Variants in GPR139 observed in about 807,000 individuals in gnomAD.
GPR139 encodes G protein-coupled receptor 139.
In GPR139, 12 loss-of-function variants were observed where a neutral mutation model predicts 25.8. That is an observed-to-expected ratio of 0.47 (90% CI 0.30 to 0.75). The LOEUF (loss-of-function observed/expected upper bound fraction) is 0.75, where lower values mean the gene tolerates loss of function less well. GPR139 is among the 30% of genes least tolerant of loss of function. GPR139 has a pLI of 0.07. For missense variants in GPR139, 380 were observed against 450.2 expected, an observed-to-expected ratio of 0.84 and a Z score of 1.41; for synonymous variants, 184 against 179.9, an observed-to-expected ratio of 1.02 and a Z score of -0.18.
chr16:20,038,659 A>G (rs2057319826), intron 1 of GPR139, among the ~76,000 whole-genome samples: 1 of 152,098 alleles, frequency 6.6e-6, no homozygotes, highest in Non-Finnish European at 1.5e-5. Flanking sequence ...CATCAGGAAC[A>G]TGTAGGAGAT....
chr16:20,033,981 G>GTT (rs138930425), intron 1 of GPR139, among the ~76,000 whole-genome samples: 29,164 of 148,566 alleles, frequency 0.2, 3,198 homozygotes, highest in East Asian at 0.33. Context: ...TTTCTGATCA[G>GTT]TTTTTTTTTT....
intron 1 of GPR139, among the ~76,000 whole-genome samples, chr16:20,045,675 C>T (rs2057351951): frequency 6.6e-6 from 1 of 152,196 alleles, no homozygotes; most frequent in Non-Finnish European, 1.5e-5. Context: ...ATGCTCGCCA[C>T]TCCCAGCCCC....
rs1317290974 is a variant in GPR139, at chr16:20,029,027, A to G, written c.*2708T>C. Reference sequence around the variant, plus strand: ...ATAATTATTACTATAAATAATAATAAAAGTCCTTAGATAGTTTGAAATAAA... The same window carrying G: ...ATAATTATTACTATAAATAATAATAGAAGTCCTTAGATAGTTTGAAATAAA... On this transcript the variant is annotated 3_prime_UTR_variant, in exon 2 of 2. Coordinates refer to ENST00000570682, the MANE Select transcript of GPR139 (RefSeq NM_001002911.4). Among the ~76,000 whole-genome samples the G allele has an allele frequency of 6.6e-6, 1 of 152,232 alleles. No homozygotes were observed. The highest frequency in any genetic ancestry group is 1.5e-5 in the Non-Finnish European group (1 of 68,050).
At chr16:20,064,444 A>G (rs1187703293) in intron 1 of GPR139, among the ~76,000 whole-genome samples, 1 of 152,188 alleles carries the variant, frequency 6.6e-6, no homozygotes, top group Non-Finnish European at 1.5e-5. Flanking sequence ...CTGAGGCAGG[A>G]GGATCACTTG....
intron 1 of GPR139, among the ~76,000 whole-genome samples, chr16:20,051,062 C>A (rs201988004): frequency 2.9e-3 from 349 of 121,256 alleles, no homozygotes; most frequent in East Asian, 5.0e-3. Context: ...GACCCTGTTT[C>A]AAAAAAAAAA....
At chr16:20,052,174 C>T (rs1462317649) in intron 1 of GPR139, among the ~76,000 whole-genome samples, 1 of 152,204 alleles carries the variant, frequency 6.6e-6, no homozygotes, top group Admixed American at 6.5e-5. Flanking sequence ...AACACTTCCC[C>T]CATCCACTCT....
At chr16:20,039,726 T>G (rs1309641787) in intron 1 of GPR139, among the ~76,000 whole-genome samples, 3 of 152,118 alleles carry the variant, frequency 2.0e-5, no homozygotes, top group Non-Finnish European at 4.4e-5. Flanking sequence ...ATGTATAAAC[T>G]CAGGGGAGTT....
At chr16:20,048,748 C>A (rs1211382403) in intron 1 of GPR139, among the ~76,000 whole-genome samples, 1 of 152,182 alleles carries the variant, frequency 6.6e-6, no homozygotes, top group Admixed American at 6.5e-5. Flanking sequence ...CAGGGTGGTC[C>A]ATGGGTTGCA....
chr16:20,072,349 A>G (rs1189639249), intron 1 of GPR139, among the ~76,000 whole-genome samples: 1 of 152,178 alleles, frequency 6.6e-6, no homozygotes, highest in African/African-American at 2.4e-5. Context: ...AGGAAATCTC[A>G]GCCAGGCTCT....
intron 1 of GPR139, among the ~76,000 whole-genome samples, chr16:20,033,816 T>C (rs762462603): frequency 6.6e-6 from 1 of 152,106 alleles, no homozygotes; most frequent in Non-Finnish European, 1.5e-5. Context: ...TGCTTATATA[T>C]GTCCATATAG....
chr16:20,043,942 C>T (rs2057345384), intron 1 of GPR139, among the ~76,000 whole-genome samples: 1 of 148,948 alleles, frequency 6.7e-6, no homozygotes, highest in South Asian at 2.1e-4. Flanking sequence ...GATGAGCCTT[C>T]TAGATCTGCA....
intron 1 of GPR139, among the ~76,000 whole-genome samples, chr16:20,051,656 A>G (rs918982509): frequency 6.6e-6 from 1 of 152,172 alleles, no homozygotes; most frequent in African/African-American, 2.4e-5. Context: ...ATTATATGGA[A>G]ATGGAAATGG....
intron 1 of GPR139, among the ~76,000 whole-genome samples, chr16:20,062,855 T>A (rs1034587243): frequency 1.3e-5 from 2 of 152,224 alleles, no homozygotes; most frequent in Non-Finnish European, 2.9e-5. Context: ...ATGAGATATT[T>A]AACTTTTTTT....
In GPR139 at chr16:20,073,721, G is replaced by A; in HGVS notation, c.-105C>T. The A allele has an allele frequency of 2.9e-6, 4 of 1,373,516 alleles. No homozygotes were observed. Among genetic ancestry groups the A allele is most frequent in the Non-Finnish European group, 3.9e-6 (4 of 1,034,144 alleles). The allele number at this position is 1,373,516 out of a possible 1,614,324, so 85.1% of individuals were successfully genotyped here. A position where few individuals can be genotyped will look rare whatever the true frequency, so the allele number is the denominator to read the frequency against. On this transcript the variant is annotated 5_prime_UTR_variant, in exon 1 of 2. Coordinates refer to ENST00000570682, the MANE Select transcript of GPR139 (RefSeq NM_001002911.4). This position sits in a 1 kb window ranked among gnomAD's most constrained non-coding sequence, Gnocchi z 4.7. ...GGCGGAGGCAGCGGCAGCTGGAGCAGCAGCGCCTCTCTCCCCGCAGGACTG... is the reference window on the plus strand; with the variant it reads ...GGCGGAGGCAGCGGCAGCTGGAGCAACAGCGCCTCTCTCCCCGCAGGACTG...
At chr16:20,062,536 T>C (rs1172548676) in intron 1 of GPR139, among the ~76,000 whole-genome samples, 1 of 152,212 alleles carries the variant, frequency 6.6e-6, no homozygotes, top group Non-Finnish European at 1.5e-5. Context: ...ATAAGCCCCC[T>C]AGTCTATGGT....
chr16:20,039,597 A>G (rs1303292149), intron 1 of GPR139, among the ~76,000 whole-genome samples: 1 of 152,174 alleles, frequency 6.6e-6, no homozygotes, highest in Non-Finnish European at 1.5e-5. Context: ...CTTAATCTTC[A>G]CAACTACCCT....
In GPR139 at chr16:20,073,591, G is replaced by A. The variant is rs753981536; in HGVS notation, c.26C>T (p.Ala9Val). The change falls in exon 1 of 2, where the codon GCA (alanine) becomes GTA (valine). Residue 9 changes from alanine to valine, a missense_variant. Ala to Val is a moderately conservative substitution (Grantham distance 64, BLOSUM62 0). Coordinates refer to ENST00000570682, the MANE Select transcript of GPR139 (RefSeq NM_001002911.4). The surrounding 1 kb of genome is among the most constrained non-coding windows in gnomAD (Gnocchi z 4.7). The stretch of plus-strand genomic sequence containing the variant: ...CCACCAAGACAGCGAGCTGTTGGCT[G>A]CGAGGTGGGCGTGCGTGTGCTCCAT... The part of the protein sequence containing the change: MEHTHAHL[A>V]ANSSLSWWSP... 6.2e-7 allele frequency: 1 copy of A among 1,610,158 alleles called. No homozygotes were observed. Among genetic ancestry groups the A allele is most frequent in the Non-Finnish European group, 8.5e-7 (1 of 1,178,568 alleles).
At chr16:20,033,327 C>A (rs959403899) in intron 1 of GPR139, among the ~76,000 whole-genome samples, 1 of 152,208 alleles carries the variant, frequency 6.6e-6, no homozygotes, top group East Asian at 1.9e-4. Context: ...GAGCCTCACA[C>A]AACCATGAGA....
chr16:20,059,077 T>TGAGC (rs2057401487), intron 1 of GPR139, among the ~76,000 whole-genome samples: 1 of 152,214 alleles, frequency 6.6e-6, no homozygotes, highest in Non-Finnish European at 1.5e-5. Flanking sequence ...ACATGGCCTC[T>TGAGC]GAGCCGCACT....
Sources: gnomAD v4.1 joint callset for allele counts (sites outside exome capture counted in the v4.1 genomes callset) on GRCh38, gnomAD v4.1.1 for gene constraint, Gnocchi (gnomAD v3.1) non-coding constraint, MANE v1.5 for transcripts, NCBI Gene and HGNC (gene_info 2026-07-23, HGNC 2026-07-21) for gene names.